Variants in CDH8 observed in about 807,000 individuals in gnomAD.
The protein encoded by CDH8 is cadherin 8.
A neutral mutation model predicts 68.1 loss-of-function variants in CDH8; 17 were observed. The observed-to-expected ratio is 0.25, with a 90% CI of 0.17 to 0.37. The LOEUF (loss-of-function observed/expected upper bound fraction) is 0.37, where lower values mean the gene tolerates loss of function less well. Ranked by LOEUF, CDH8 falls within the 10% of genes least tolerant of loss-of-function variation. CDH8 has a pLI of 1.00. For synonymous variants in CDH8, 372 were observed against 365.1 expected (o/e 1.02, Z -0.21); for missense variants, 763 against 999.3 (o/e 0.76, Z 3.19).
intron 4 of CDH8, among the ~76,000 whole-genome samples, chr16:61,840,998 G>C (rs2143008210): frequency 6.6e-6 from 1 of 152,026 alleles, no homozygotes; most frequent in Non-Finnish European, 1.5e-5. Flanking sequence ...ATAAATTTAA[G>C]TTAAATAAAA....
At chr16:61,657,777 A>G (rs186148592) in intron 10 of CDH8, among the ~76,000 whole-genome samples, 2 of 152,248 alleles carry the variant, frequency 1.3e-5, no homozygotes, top group Admixed American at 6.5e-5. Context: ...TTTCTATGAG[A>G]AACAATCTTT....
At chr16:61,888,565 A>C (rs1963718971) in intron 3 of CDH8, among the ~76,000 whole-genome samples, 1 of 152,140 alleles carries the variant, frequency 6.6e-6, no homozygotes, top group Non-Finnish European at 1.5e-5. Flanking sequence ...CTACTTTATG[A>C]TCATATGACT....
In CDH8 at chr16:61,713,952, G is replaced by T; in HGVS notation, c.1543C>A (p.Gln515Lys). The change falls in exon 10 of 12, where the codon CAA becomes AAA. Residue 515 changes from glutamine to lysine, a missense_variant. Physicochemically the swap from Gln to Lys is moderately conservative, Grantham distance 53. Coordinates refer to ENST00000577390, the MANE Select transcript of CDH8 (RefSeq NM_001796.5). Reference protein sequence around the residue: ...CENGKPGQVIQTVSAMDKDDP... With the variant: ...CENGKPGQVIKTVSAMDKDDP... The stretch of plus-strand genomic sequence containing the variant: ...TCTTTGTCCATGGCGCTAACAGTTT[G>T]AATGACCTGAAACATAAAACTTGAC... The T allele has an allele frequency of 6.3e-7, 1 of 1,578,398 alleles. No individual in the cohort carries two copies. Among genetic ancestry groups the T allele is most frequent in the Non-Finnish European group, 8.7e-7 (1 of 1,148,322 alleles).
intron 8 of CDH8, among the ~76,000 whole-genome samples, chr16:61,732,770 C>A (rs1020021110): frequency 6.6e-5 from 10 of 151,716 alleles, no homozygotes; most frequent in African/African-American, 2.4e-4. Flanking sequence ...TTATTTTAAC[C>A]ATAATTGCAT....
chr16:61,960,378 T>TGTGTGTGTATACACATACATATATAC (rs1965129443), intron 2 of CDH8, among the ~76,000 whole-genome samples: 1 of 68,988 alleles, frequency 1.4e-5, no homozygotes, highest in Non-Finnish European at 2.7e-5. Context: ...CATATATACA[T>TGTGTGTGTATACACATACATATATAC]GTGTGTGTGT....
At chr16:61,770,387 A>G (rs566408180) in intron 8 of CDH8, among the ~76,000 whole-genome samples, 32 of 152,022 alleles carry the variant, frequency 2.1e-4, no homozygotes, top group African/African-American at 7.5e-4. Flanking sequence ...CATGATTCTT[A>G]TTATGCCCAG....
chr16:61,732,549 T>C (rs1295504804), intron 8 of CDH8, among the ~76,000 whole-genome samples: 2 of 151,844 alleles, frequency 1.3e-5, no homozygotes, highest in East Asian at 2.0e-4. Context: ...GAAGGTAAAA[T>C]AGAGTCATCA....
At chr16:61,932,634 C>T (rs1964563716) in intron 2 of CDH8, among the ~76,000 whole-genome samples, 1 of 152,172 alleles carries the variant, frequency 6.6e-6, no homozygotes, top group South Asian at 2.1e-4. Context: ...TTTTAAAAAG[C>T]AGTTGTTTCA....
At position 61,834,141 on chromosome 16, in the gene CDH8, C is replaced by G. The variant is rs541152661; in HGVS notation, c.668-8962G>C. 4.3e-4 allele frequency among the ~76,000 whole-genome samples: 66 copies of G among 151,948 alleles called. No homozygotes were observed. In the Middle Eastern group the frequency reaches 0.02, roughly 47 times the overall value. On this transcript the variant is annotated intron_variant, in intron 4 of 11. Coordinates refer to ENST00000577390, the MANE Select transcript of CDH8 (RefSeq NM_001796.5). The stretch of plus-strand genomic sequence containing the variant: ...AGAGAGAAAAACGTGGTAATTGAAG[C>G]TTGCTGCTTCAGGGACTCAGCCCTG...
chr16:61,828,344 G>A (rs953851778), intron 4 of CDH8, among the ~76,000 whole-genome samples: 4 of 151,864 alleles, frequency 2.6e-5, no homozygotes, highest in African/African-American at 9.7e-5. Context: ...GGCTGCCCCT[G>A]TCTATGGAAT....
intron 4 of CDH8, among the ~76,000 whole-genome samples, chr16:61,826,895 C>T (rs1962347579): frequency 6.6e-6 from 1 of 151,812 alleles, no homozygotes; most frequent in Non-Finnish European, 1.5e-5. Context: ...TATTTGGAAA[C>T]ATTTGTAATA....
At chr16:61,839,621 G>A (rs1300977266) in intron 4 of CDH8, among the ~76,000 whole-genome samples, 2 of 152,058 alleles carry the variant, frequency 1.3e-5, no homozygotes, top group Non-Finnish European at 2.9e-5. Context: ...TGATCTCTTA[G>A]CACCCCACAG....
intron 4 of CDH8, among the ~76,000 whole-genome samples, chr16:61,854,585 T>C (rs1343407359): frequency 6.6e-6 from 1 of 152,156 alleles, no homozygotes; most frequent in Non-Finnish European, 1.5e-5. Flanking sequence ...CTACTATCTC[T>C]GTCTCAGCAT....
chr16:61,831,634 A>G (rs940469848), intron 4 of CDH8, among the ~76,000 whole-genome samples: 2 of 151,744 alleles, frequency 1.3e-5, no homozygotes, highest in African/African-American at 4.8e-5. Flanking sequence ...TTATCATTTG[A>G]GAAGCATTTT....
intron 8 of CDH8, among the ~76,000 whole-genome samples, chr16:61,768,351 T>TCTCTCTCTCTCC (rs1960663462): frequency 1.8e-5 from 2 of 112,384 alleles, no homozygotes; most frequent in Admixed American, 9.0e-5. Flanking sequence ...TCTCTCTCTC[T>TCTCTCTCTCTCC]CTCTCTCTCT....
intron 2 of CDH8, among the ~76,000 whole-genome samples, chr16:61,992,233 C>T (rs1213896976): frequency 1.3e-5 from 2 of 151,734 alleles, no homozygotes; most frequent in African/African-American, 4.8e-5. Flanking sequence ...AAATGTGGCA[C>T]ATGTACACCG....
chr16:61,886,353 G>C (rs1313962393), intron 3 of CDH8, among the ~76,000 whole-genome samples: 1 of 152,124 alleles, frequency 6.6e-6, no homozygotes, highest in African/African-American at 2.4e-5. Flanking sequence ...TTTACACACT[G>C]TTTACATAGC....
At chr16:61,873,828 G>A (rs1963413849) in intron 3 of CDH8, among the ~76,000 whole-genome samples, 1 of 152,172 alleles carries the variant, frequency 6.6e-6, no homozygotes, top group African/African-American at 2.4e-5. Flanking sequence ...AGCCAAGGCA[G>A]GTGGATCACC....
intron 7 of CDH8, among the ~76,000 whole-genome samples, chr16:61,800,378 A>G (rs867078045): frequency 7.2e-5 from 11 of 152,336 alleles, no homozygotes; most frequent in Middle Eastern, 3.4e-3. Flanking sequence ...AATGTTAGCC[A>G]GAAATGTGTC....
Sources: allele counts gnomAD v4.1 joint callset (sites outside exome capture counted in the v4.1 genomes callset), GRCh38; gene constraint gnomAD v4.1.1; transcripts MANE v1.5; gene names NCBI Gene and HGNC (gene_info 2026-07-23, HGNC 2026-07-21).